The following PHACTR4 variants were observed in gnomAD, a reference collection of about 807,000 sequenced individuals.
The protein encoded by PHACTR4 is protein phosphatase 1, regulatory subunit 124.
PHACTR4 carries 51 observed loss-of-function variants against 72.7 expected under a neutral mutation model. That is an observed-to-expected ratio of 0.70 (90% confidence interval 0.56 to 0.89). The LOEUF (loss-of-function observed/expected upper bound fraction) is 0.89. PHACTR4 is among the 40% of genes least tolerant of loss of function. The pLI is 0.00. For synonymous variants in PHACTR4, 255 were observed against 302.5 expected (o/e 0.84, Z 1.63); for missense variants, 731 against 861.8 (o/e 0.85, Z 1.90).
At chr1:28,442,782 A>G (rs1037771376) in intron 2 of PHACTR4, among the ~76,000 whole-genome samples, 1 of 151,772 alleles carries the variant, frequency 6.6e-6, no homozygotes, top group African/African-American at 2.4e-5. Context: ...CTGGGATTAC[A>G]AGTGTGAGCC....
At chr1:28,485,258 AAGTT>A (rs1269932568) in intron 9 of PHACTR4, among the ~76,000 whole-genome samples, 1 of 152,162 alleles carries the variant, frequency 6.6e-6, no homozygotes, top group African/African-American at 2.4e-5. Context: ...CATGATGAGT[AAGTT>A]CTAGAGATCC....
intron 1 of PHACTR4, among the ~76,000 whole-genome samples, chr1:28,379,697 C>A (rs1386173181): frequency 6.6e-6 from 1 of 151,286 alleles, no homozygotes; most frequent in Non-Finnish European, 1.5e-5. Flanking sequence ...TCACGCCATT[C>A]TCCTGCCTCA....
chr1:28,488,860 C>G (rs567328615), intron 9 of PHACTR4, among the ~76,000 whole-genome samples: 1 of 152,154 alleles, frequency 6.6e-6, no homozygotes, highest in African/African-American at 2.4e-5. Context: ...TCCAAACCTT[C>G]GCTTCACGGA....
intron 2 of PHACTR4, among the ~76,000 whole-genome samples, chr1:28,434,728 T>C (rs1395906830): frequency 6.6e-6 from 1 of 152,146 alleles, no homozygotes; most frequent in Non-Finnish European, 1.5e-5. Flanking sequence ...GACAGGGCCT[T>C]ACTATATTGC....
intron 1 of PHACTR4, among the ~76,000 whole-genome samples, chr1:28,393,995 G>A (rs886202524): frequency 6.6e-6 from 1 of 152,070 alleles, no homozygotes; most frequent in Admixed American, 6.6e-5. Flanking sequence ...TTACAGGTGT[G>A]AGCCACCTCA....
intron 6 of PHACTR4, among the ~76,000 whole-genome samples, chr1:28,467,748 T>C (rs1435248459): frequency 1.3e-5 from 2 of 152,178 alleles, no homozygotes; most frequent in Non-Finnish European, 2.9e-5. Flanking sequence ...TATTCTTATG[T>C]TAAAATAAGT....
chr1:28,427,380 G>T (rs1231482208), intron 2 of PHACTR4, among the ~76,000 whole-genome samples: 1 of 152,046 alleles, frequency 6.6e-6, no homozygotes, highest in African/African-American at 2.4e-5. Context: ...ACAAAAATTA[G>T]CCAGGCATGG....
At chr1:28,400,850 G>GT (rs1653891581) in intron 1 of PHACTR4, among the ~76,000 whole-genome samples, 1 of 152,210 alleles carries the variant, frequency 6.6e-6, no homozygotes. Flanking sequence ...ACAGTGCTGG[G>GT]ATTACAGGCA....
chr1:28,455,904 CA>C (rs368556696), intron 2 of PHACTR4, among the ~76,000 whole-genome samples: 70 of 152,310 alleles, frequency 4.6e-4, no homozygotes, highest in African/African-American at 1.7e-3. Flanking sequence ...GAAAGAAGGA[CA>C]TCTGCCTCTA....
intron 9 of PHACTR4, among the ~76,000 whole-genome samples, chr1:28,484,267 G>C (rs969272196): frequency 8.5e-5 from 13 of 152,058 alleles, no homozygotes; most frequent in Admixed American, 1.3e-4. Context: ...GTTTCAGTGA[G>C]CTGAGATCAC....
intron 2 of PHACTR4, among the ~76,000 whole-genome samples, chr1:28,408,644 A>ATG (rs1239323300): frequency 1.2e-4 from 18 of 151,116 alleles, no homozygotes; most frequent in Middle Eastern, 3.4e-3. Context: ...GTGTCTATAT[A>ATG]TGTGTGTGTG....
intron 1 of PHACTR4, among the ~76,000 whole-genome samples, chr1:28,382,233 A>G (rs1285173603): frequency 2.6e-5 from 4 of 152,026 alleles, no homozygotes; most frequent in Non-Finnish European, 4.4e-5. Flanking sequence ...TTTTCTGTGC[A>G]GGAGCTCTTT....
intron 2 of PHACTR4, among the ~76,000 whole-genome samples, chr1:28,441,004 G>A (rs1334705385): frequency 1.3e-5 from 2 of 152,096 alleles, no homozygotes; most frequent in Non-Finnish European, 2.9e-5. Context: ...ACTAGATTTA[G>A]CAAGTCAACT....
chr1:28,410,673 G>T (rs990241861), intron 2 of PHACTR4, among the ~76,000 whole-genome samples: 12 of 152,038 alleles, frequency 7.9e-5, no homozygotes, highest in Non-Finnish European at 1.6e-4. Context: ...AGAAATTTGG[G>T]TTCTGTGCTA....
At chr1:28,490,061 G>T (rs750820229) in intron 10 of PHACTR4, among the ~76,000 whole-genome samples, 6 of 152,008 alleles carry the variant, frequency 3.9e-5, no homozygotes, top group South Asian at 2.1e-4. Flanking sequence ...GGGTTTTGCA[G>T]GCCAAAAAGC....
intron 2 of PHACTR4, among the ~76,000 whole-genome samples, chr1:28,434,464 G>A (rs957237200): frequency 6.6e-6 from 1 of 152,006 alleles, no homozygotes; most frequent in African/African-American, 2.4e-5. Flanking sequence ...TGGGACTACA[G>A]GCACGTACCA....
chr1:28,475,441 A>G (rs535161137), intron 7 of PHACTR4, among the ~76,000 whole-genome samples: 12 of 152,118 alleles, frequency 7.9e-5, no homozygotes, highest in Non-Finnish European at 1.3e-4. Flanking sequence ...AAATTGCAGC[A>G]CTACCACTCT....
intron 6 of PHACTR4, among the ~76,000 whole-genome samples, chr1:28,471,993 C>T (rs1659587801): frequency 2.0e-5 from 3 of 151,826 alleles, no homozygotes; most frequent in South Asian, 4.2e-4. Flanking sequence ...GGGCGGATCA[C>T]GAGGTCAGGA....
chr1:28,394,910 T>C (rs549181359), intron 1 of PHACTR4, among the ~76,000 whole-genome samples: 3 of 150,830 alleles, frequency 2.0e-5, no homozygotes, highest in Non-Finnish European at 4.4e-5. Context: ...CCATCCTTTT[T>C]TTCTTTTTTT....
Sources: gnomAD v4.1 joint callset for allele counts (sites outside exome capture counted in the v4.1 genomes callset) on GRCh38, gnomAD v4.1.1 for gene constraint, MANE v1.5 for transcripts, NCBI Gene and HGNC (gene_info 2026-07-23, HGNC 2026-07-21) for gene names.